SHTN1: variants seen among roughly 807,000 people sequenced by gnomAD.
SHTN1 encodes shootin-1.
In SHTN1, 42 loss-of-function variants were observed where a neutral mutation model predicts 83.1. The observed-to-expected ratio is 0.51, with a 90% CI of 0.39 to 0.65. The LOEUF (loss-of-function observed/expected upper bound fraction) is 0.65. Ranked by LOEUF, SHTN1 falls within the 30% of genes least tolerant of loss-of-function variation. SHTN1 has a pLI of 0.00. For synonymous variants in SHTN1, 224 were observed against 247.7 expected, an observed-to-expected ratio of 0.90 and a Z score of 0.90; for missense variants, 622 against 737.8, an observed-to-expected ratio of 0.84 and a Z score of 1.82.
At chr10:116,902,027 A>G (rs1404031360) in intron 15 of SHTN1, 70 bp from the exon 16 acceptor site, 14 of 1,338,862 alleles carry the variant, frequency 1.0e-5, no homozygotes, top group Non-Finnish European at 8.1e-6. Context: ...ACTGAAAAAC[A>G]GATTAGCTGA....
intron 9 of SHTN1, among the ~76,000 whole-genome samples, chr10:116,936,070 G>A (rs923910564): frequency 6.6e-6 from 1 of 151,806 alleles, no homozygotes; most frequent in African/African-American, 2.4e-5. Context: ...TTCTTTATTA[G>A]TTGGGCTAGC....
intron 2 of SHTN1, among the ~76,000 whole-genome samples, chr10:116,970,517 C>T (rs567806062): frequency 3.9e-5 from 6 of 152,124 alleles, no homozygotes; most frequent in Admixed American, 3.9e-4. Flanking sequence ...AGATCGAGAC[C>T]ATCCTTGCCA....
At chr10:116,948,765 G>C (rs1849674728) in intron 7 of SHTN1, 151 bp downstream of exon 7, 5 of 489,056 alleles carry the variant, frequency 1.0e-5, no homozygotes, top group Non-Finnish European at 1.6e-5. Context: ...TAAAACAATG[G>C]AAATGGGAGA....
intron 16 of SHTN1, among the ~76,000 whole-genome samples, chr10:116,895,535 A>G (rs1847487979): frequency 2.0e-5 from 3 of 152,198 alleles, no homozygotes; most frequent in Admixed American, 2.0e-4. Context: ...TGCTTAGGTT[A>G]GCCTTACAGA....
intron 1 of SHTN1, among the ~76,000 whole-genome samples, chr10:117,065,474 T>C (rs1301405708): frequency 6.6e-6 from 1 of 150,522 alleles, no homozygotes; most frequent in East Asian, 2.0e-4. Context: ...TCCCAGCACT[T>C]TGGGAGGCCG....
intron 12 of SHTN1, among the ~76,000 whole-genome samples, chr10:116,918,766 A>G (rs1015758591): frequency 1.9e-4 from 29 of 152,340 alleles, no homozygotes; most frequent in African/African-American, 7.0e-4. Context: ...AGGAAATACT[A>G]TTATCCCCAT....
At chr10:117,015,090 T>C (rs1388504643) in intron 2 of SHTN1, among the ~76,000 whole-genome samples, 3 of 152,180 alleles carry the variant, frequency 2.0e-5, no homozygotes, top group East Asian at 1.9e-4. Context: ...ATTTTTTTTT[T>C]CCCTGACTGA....
intron 13 of SHTN1, among the ~76,000 whole-genome samples, chr10:116,913,131 G>C (rs1848265472): frequency 6.6e-6 from 1 of 152,206 alleles, no homozygotes; most frequent in Non-Finnish European, 1.5e-5. Flanking sequence ...AGGCAGGCTT[G>C]ACTTCTGCAG....
intron 1 of SHTN1, among the ~76,000 whole-genome samples, chr10:117,113,669 C>T (rs1350403753): frequency 6.6e-6 from 1 of 152,280 alleles, no homozygotes; most frequent in African/African-American, 2.4e-5. Context: ...CTTTGGGAAG[C>T]GGAAGCCAGA....
At chr10:116,984,331 G>A (rs1464695058) in intron 1 of SHTN1, among the ~76,000 whole-genome samples, 2 of 152,196 alleles carry the variant, frequency 1.3e-5, no homozygotes, top group East Asian at 3.8e-4. Context: ...AATTTCAAGT[G>A]CTCGATAGCC....
intron 2 of SHTN1, among the ~76,000 whole-genome samples, chr10:116,969,094 A>G (rs898527327): frequency 6.6e-6 from 1 of 152,192 alleles, no homozygotes; most frequent in Non-Finnish European, 1.5e-5. Flanking sequence ...AACAGCTTCA[A>G]CTACCCAGAA....
At chr10:116,979,056 TG>T (rs765276050) in intron 2 of SHTN1, among the ~76,000 whole-genome samples, 199 bp downstream of exon 2, 21 of 152,216 alleles carry the variant, frequency 1.4e-4, no homozygotes, top group Non-Finnish European at 3.1e-4. Context: ...GCACCCACTG[TG>T]GCATGCCTGC....
At chr10:116,984,271 G>A (rs983694967) in intron 1 of SHTN1, among the ~76,000 whole-genome samples, 2 of 152,108 alleles carry the variant, frequency 1.3e-5, no homozygotes, top group African/African-American at 4.8e-5. Context: ...AATTTTAATT[G>A]ATTGAAACTA....
intron 1 of SHTN1, among the ~76,000 whole-genome samples, chr10:116,986,714 TC>T (rs1345947511): frequency 8.5e-6 from 1 of 117,980 alleles, no homozygotes; most frequent in Admixed American, 1.2e-4. Flanking sequence ...AAACCCAGTA[TC>T]CTTTTTTTTT....
chr10:117,041,655 C>T lies in SHTN1; in HGVS notation c.-123+6790G>A, dbSNP rs529888877. ...CATTGGTTCACCTTGGTTAGGTGAA[C>T]GTGTAACTTTCCGAAGCACTTGTAA... On this transcript the variant is annotated intron_variant, in intron 2 of 17. Transcript: ENST00000392901. Among the ~76,000 whole-genome samples, 5 of 152,194 alleles carry T rather than the reference C, an allele frequency of 3.3e-5. No individual in the cohort carries two copies. In the South Asian group the frequency reaches 6.2e-4, roughly 19 times the overall value.
chr10:116,915,522 C>A, intron 12 of SHTN1, 38 bp from the exon 13 acceptor site: 1 of 1,144,502 alleles, frequency 8.7e-7, no homozygotes, highest in African/African-American at 1.5e-5. Flanking sequence ...TCTTATGTTA[C>A]AAGAAAACAG....
chr10:116,969,533 A>T (rs1564905509), intron 2 of SHTN1, among the ~76,000 whole-genome samples: 1 of 152,228 alleles, frequency 6.6e-6, no homozygotes, highest in Non-Finnish European at 1.5e-5. Context: ...AGAATTCGGA[A>T]TAGAGGAAGG....
intron 1 of SHTN1, among the ~76,000 whole-genome samples, chr10:117,055,370 G>A (rs1852813155): frequency 6.6e-6 from 1 of 152,096 alleles, no homozygotes; most frequent in Non-Finnish European, 1.5e-5. Context: ...CACTTATACT[G>A]GCTCAGAATA....
At chr10:117,037,250 C>T (rs529346070) in intron 2 of SHTN1, among the ~76,000 whole-genome samples, 8 of 152,140 alleles carry the variant, frequency 5.3e-5, no homozygotes, top group African/African-American at 1.4e-4. Flanking sequence ...CCAGCCTGGG[C>T]AACATAGTGA....
Sources: gnomAD v4.1 joint callset for allele counts (sites outside exome capture counted in the v4.1 genomes callset) on GRCh38, gnomAD v4.1.1 for gene constraint, MANE v1.5 for transcripts, NCBI Gene and HGNC (gene_info 2026-07-23, HGNC 2026-07-21) for gene names.